DISC1: variants seen among roughly 807,000 people sequenced by gnomAD.
DISC1 encodes the protein DISC1 scaffold protein, also known as disrupted in schizophrenia 1 protein.
In DISC1, 57 loss-of-function variants were observed where a neutral mutation model predicts 84.5. That is an observed-to-expected ratio of 0.67 (90% confidence interval 0.55 to 0.84). The LOEUF (loss-of-function observed/expected upper bound fraction) is 0.84. DISC1 is among the 40% of genes least tolerant of loss of function. DISC1 has a pLI of 0.00. For missense variants in DISC1, 1,000 were observed against 1,057.8 expected (o/e 0.95, Z 0.76); for synonymous variants, 411 against 415.2 (o/e 0.99, Z 0.12).
At chr1:231,725,527 G>A (rs992720920) in intron 3 of DISC1, among the ~76,000 whole-genome samples, 2 of 152,202 alleles carry the variant, frequency 1.3e-5, no homozygotes, top group Non-Finnish European at 2.9e-5. Flanking sequence ...TAATTTGCCT[G>A]TAATTGAAAG....
intron 7 of DISC1, among the ~76,000 whole-genome samples, chr1:231,796,276 T>C (rs1302127103): frequency 6.6e-6 from 1 of 152,102 alleles, no homozygotes; most frequent in Admixed American, 6.6e-5. Flanking sequence ...CTAAATGTTG[T>C]GGCAGAGAAC....
intron 11 of DISC1, among the ~76,000 whole-genome samples, chr1:232,024,448 A>G (rs1354522405): frequency 6.6e-6 from 1 of 152,234 alleles, no homozygotes; most frequent in Non-Finnish European, 1.5e-5. Context: ...TCTGATTATA[A>G]TATTATATAA....
rs201870239 is a variant in DISC1, at chr1:231,678,269, AAG to A, written c.68-15554_68-15553del. Among the ~76,000 whole-genome samples, 51 of 152,352 alleles carry A rather than the reference AAG, an allele frequency of 3.3e-4. 1 individual carries two copies. In the East Asian group the frequency reaches 9.6e-3, roughly 29 times the overall value. ...GTATGGAATTGTAAACAGGAGGTCA[AAG>A]AGGACGAATGTGTTATTTACACCCA... is the stretch of plus-strand genomic sequence containing the variant. On this transcript the variant is annotated intron_variant, in intron 1 of 12. Coordinates refer to ENST00000439617, the MANE Select transcript of DISC1 (RefSeq NM_018662.3).
intron 1 of DISC1, among the ~76,000 whole-genome samples, chr1:231,629,925 AC>A (rs2058569673): frequency 1.3e-5 from 2 of 152,120 alleles, no homozygotes; most frequent in African/African-American, 4.8e-5. Context: ...TACAATGGTG[AC>A]CTTTAAACAA....
chr1:231,837,714 G>A (rs1319563219), intron 9 of DISC1, among the ~76,000 whole-genome samples: 1 of 152,196 alleles, frequency 6.6e-6, no homozygotes, highest in African/African-American at 2.4e-5. Context: ...AAAGGGAGGA[G>A]GTGAGGAGGT....
At chr1:231,973,079 C>T (rs1484415346) in intron 10 of DISC1, among the ~76,000 whole-genome samples, 2 of 147,212 alleles carry the variant, frequency 1.4e-5, no homozygotes, top group African/African-American at 2.5e-5. Context: ...TGGAGTCTCA[C>T]TCTGTTATCC....
At chr1:231,800,455 C>T (rs2079141538) in intron 8 of DISC1, among the ~76,000 whole-genome samples, 1 of 152,030 alleles carries the variant, frequency 6.6e-6, no homozygotes, top group Admixed American at 6.6e-5. Context: ...ACTCTGTGTG[C>T]CATATGATTC....
At chr1:231,727,324 A>G (rs2070859140) in intron 3 of DISC1, among the ~76,000 whole-genome samples, 1 of 152,176 alleles carries the variant, frequency 6.6e-6, no homozygotes, top group African/African-American at 2.4e-5. Flanking sequence ...AACATGTCCC[A>G]GTATTCCTCA....
At chr1:231,873,607 G>A (rs79048531) in intron 9 of DISC1, among the ~76,000 whole-genome samples, 2 of 152,192 alleles carry the variant, frequency 1.3e-5, no homozygotes, top group African/African-American at 2.4e-5. Context: ...TAATGAGAAG[G>A]CAGGTTAGGA....
intron 9 of DISC1, chr1:231,945,053 G>A (rs185580772): frequency 2.3e-4 from 35 of 152,210 alleles, no homozygotes; most frequent in African/African-American, 8.4e-4. Context: ...AAATTAACAA[G>A]GATATTCAGG....
intron 10 of DISC1, among the ~76,000 whole-genome samples, chr1:231,964,326 T>C (rs1660795381): frequency 6.6e-6 from 1 of 152,202 alleles, no homozygotes; most frequent in African/African-American, 2.4e-5. Context: ...TCTCCAGCCA[T>C]GCTGACGTTG....
At chr1:231,832,361 C>T (rs71529860) in intron 9 of DISC1, among the ~76,000 whole-genome samples, 87,531 of 144,632 alleles carry the variant, frequency 0.61, 26,018 homozygotes, top group Middle Eastern at 0.64. Context: ...CTACAGGGTG[C>T]GGTCCTGGCT....
At chr1:231,845,107 A>G (rs989977749) in intron 9 of DISC1, among the ~76,000 whole-genome samples, 3 of 152,060 alleles carry the variant, frequency 2.0e-5, no homozygotes, top group Non-Finnish European at 4.4e-5. Context: ...GTCTGTGTTG[A>G]TGTTAATACC....
chr1:231,842,000 T>G lies in DISC1; in HGVS notation c.1981+23483T>G, dbSNP rs138747304. Among the ~76,000 whole-genome samples the G allele has an allele frequency of 3.7e-3, 564 of 152,260 alleles. 4 individuals carry two copies. The highest frequency in any genetic ancestry group is 0.013 in the African/African-American group (526 of 41,530). The stretch of plus-strand genomic sequence containing the variant: ...CTCTGTGCCAGTTTTTCTCGTTGTT[T>G]TTTATTTTTATTTTTTTAAGAGAGG... On this transcript the variant is annotated intron_variant, in intron 9 of 12. Coordinates refer to ENST00000439617, the MANE Select transcript of DISC1 (RefSeq NM_018662.3).
chr1:231,895,308 A>T (rs918024233), intron 9 of DISC1, among the ~76,000 whole-genome samples: 1 of 151,556 alleles, frequency 6.6e-6, no homozygotes, highest in Non-Finnish European at 1.5e-5. Context: ...ATATATTTAA[A>T]ATTTTTATAA....
intron 4 of DISC1, among the ~76,000 whole-genome samples, chr1:231,758,172 G>C (rs2075323773): frequency 6.6e-6 from 1 of 151,776 alleles, no homozygotes. Flanking sequence ...ACCTTTTATT[G>C]AATTTTCCTC....
At chr1:231,866,527 T>G (rs1444671250) in intron 9 of DISC1, 3 of 823,296 alleles carry the variant, frequency 3.6e-6, no homozygotes, top group Non-Finnish European at 6.6e-6. Flanking sequence ...CCTTAGGATA[T>G]AAGTACTGTG....
At chr1:231,928,448 C>G (rs932826801) in intron 9 of DISC1, among the ~76,000 whole-genome samples, 3 of 152,176 alleles carry the variant, frequency 2.0e-5, no homozygotes, top group African/African-American at 7.2e-5. Flanking sequence ...TCTCTCTTTT[C>G]TTCTTTATTA....
At chr1:231,967,988 T>C (rs1661345575) in intron 10 of DISC1, among the ~76,000 whole-genome samples, 1 of 152,224 alleles carries the variant, frequency 6.6e-6, no homozygotes, top group African/African-American at 2.4e-5. Context: ...TTCACTATTC[T>C]AGACACTCAA....
Sources: gnomAD v4.1 joint callset for allele counts (sites outside exome capture counted in the v4.1 genomes callset) on GRCh38, gnomAD v4.1.1 for gene constraint, MANE v1.5 for transcripts, NCBI Gene and HGNC (gene_info 2026-07-23, HGNC 2026-07-21) for gene names.